THSD7B: variants seen among roughly 807,000 people sequenced by gnomAD.
THSD7B encodes the protein thrombospondin type 1 domain containing 7B.
In THSD7B, 138 loss-of-function variants were observed where a neutral mutation model predicts 213.6. The ratio of observed to expected loss-of-function variants is 0.65; its 90% confidence interval spans 0.56 to 0.74. The LOEUF (loss-of-function observed/expected upper bound fraction) is 0.74, where lower values mean the gene tolerates loss of function less well. THSD7B is among the 30% of genes least tolerant of loss of function. The pLI is 0.00. For synonymous variants in THSD7B, 742 were observed against 687.0 expected (o/e 1.08, Z -1.25); for missense variants, 1,931 against 1,991.5 (o/e 0.97, Z 0.58).
At chr2:137,101,458 C>T (rs546830963) in intron 4 of THSD7B, among the ~76,000 whole-genome samples, 40 of 152,264 alleles carry the variant, frequency 2.6e-4, no homozygotes, top group African/African-American at 9.1e-4. Flanking sequence ...GTTTAAGAAG[C>T]TTTTCTGCAG....
intron 15 of THSD7B, among the ~76,000 whole-genome samples, chr2:137,499,563 A>G (rs188428098): frequency 1.3e-5 from 2 of 152,298 alleles, no homozygotes; most frequent in East Asian, 1.9e-4. Context: ...ATCTCTTGAC[A>G]TCTATGGCAA....
intron 1 of THSD7B, among the ~76,000 whole-genome samples, chr2:136,855,637 A>G: frequency 6.7e-6 from 1 of 149,426 alleles, no homozygotes; most frequent in South Asian, 2.1e-4. Flanking sequence ...TTATTTATTT[A>G]TTTTTTGTAT....
At chr2:136,962,365 G>A (rs1685233644) in intron 2 of THSD7B, among the ~76,000 whole-genome samples, 3 of 146,354 alleles carry the variant, frequency 2.0e-5, no homozygotes, top group African/African-American at 5.0e-5. Context: ...GTTTACAGAG[G>A]CAATAGGAAA....
intron 1 of THSD7B, among the ~76,000 whole-genome samples, chr2:136,799,687 A>G (rs757899931): frequency 5.3e-5 from 8 of 151,886 alleles, no homozygotes; most frequent in Non-Finnish European, 1.0e-4. Context: ...TTTTTTTATC[A>G]CTGTGAAGTG....
chr2:137,521,735 A>G (rs568833488), intron 15 of THSD7B, among the ~76,000 whole-genome samples: 1 of 152,310 alleles, frequency 6.6e-6, no homozygotes, highest in African/African-American at 2.4e-5. Context: ...GGCTTTTGAG[A>G]CTTCTCTGAC....
At chr2:136,888,329 A>T (rs1897086) in intron 2 of THSD7B, among the ~76,000 whole-genome samples, 2 of 151,964 alleles carry the variant, frequency 1.3e-5, no homozygotes, top group South Asian at 4.1e-4. Context: ...TGAAAATTGC[A>T]TTGCATAAGG....
At chr2:137,508,119 C>T (rs1162802386) in intron 15 of THSD7B, among the ~76,000 whole-genome samples, 1 of 152,138 alleles carries the variant, frequency 6.6e-6, no homozygotes, top group Non-Finnish European at 1.5e-5. Flanking sequence ...TGTTAAAGTA[C>T]CTTAAAGTGT....
At chr2:137,314,199 CT>C (rs1425002336) in intron 12 of THSD7B, among the ~76,000 whole-genome samples, 1 of 152,070 alleles carries the variant, frequency 6.6e-6, no homozygotes, top group East Asian at 1.9e-4. Flanking sequence ...GGAGGCTTTG[CT>C]CATTTCTTTT....
chr2:137,624,830 T>C (rs1248399527), intron 20 of THSD7B, among the ~76,000 whole-genome samples: 2 of 152,148 alleles, frequency 1.3e-5, no homozygotes, highest in African/African-American at 2.4e-5. Context: ...AAACAACAGG[T>C]GCTGGAGAGG....
intron 5 of THSD7B, among the ~76,000 whole-genome samples, chr2:137,119,064 A>G (rs181771478): frequency 9.8e-4 from 150 of 152,288 alleles, no homozygotes; most frequent in African/African-American, 3.5e-3. Context: ...GGGAGGTATA[A>G]TTCAAGATGA....
intron 2 of THSD7B, among the ~76,000 whole-genome samples, chr2:136,959,986 A>G (rs1685189509): frequency 6.6e-6 from 1 of 152,168 alleles, no homozygotes; most frequent in African/African-American, 2.4e-5. Context: ...TGAATCGCTA[A>G]CCATTTGGAG....
rs117532777 is a variant in THSD7B at position 137,026,022 on chromosome 2, T to C, written c.140-30398T>C. Among the ~76,000 whole-genome samples the C allele has an allele frequency of 1.6e-3, 237 of 152,258 alleles. 7 individuals carry two copies. In the East Asian group the frequency reaches 0.043, roughly 28 times the overall value. On this transcript the variant is annotated intron_variant, in intron 2 of 27. Coordinates refer to ENST00000409968, the MANE Select transcript of THSD7B (RefSeq NM_001316349.2). ...CTCAAAGTCCAGAATCTCTGAGCAA[T>C]GCTCAGTTCTTTCCATCAGGTCCAC...
chr2:137,338,884 G>T (rs969739078), intron 12 of THSD7B, among the ~76,000 whole-genome samples: 2 of 152,012 alleles, frequency 1.3e-5, no homozygotes, highest in Non-Finnish European at 1.5e-5. Flanking sequence ...GGCTGTGGAG[G>T]TTAATTGCTC....
rs190996786 is a variant in THSD7B at position 137,261,624 on chromosome 2, C to T, written c.2267-10909C>T. Among the ~76,000 whole-genome samples, 7 of 152,262 alleles carry T rather than the reference C, an allele frequency of 4.6e-5. 1 individual carries two copies. In the East Asian group the frequency reaches 1.4e-3, roughly 29 times the overall value. On this transcript the variant is annotated intron_variant, in intron 10 of 27. Transcript: ENST00000409968. ...TTGAACACTAGTGACCATGTTGACA[C>T]TGCAGAAGTAGTGACAGCAATACAA...
rs180939856 is a variant in THSD7B at position 137,230,958 on chromosome 2, G to A, written c.1724-86G>A. On this transcript the variant is annotated intron_variant, in intron 7 of 27. Coordinates refer to ENST00000409968, the MANE Select transcript of THSD7B (RefSeq NM_001316349.2). ...GGCTGAAGAAACTATCATTTTTGGG[G>A]GGGTACTTTAAACTGAAGTAATAGA... 7.2e-4 allele frequency: 899 copies of A among 1,245,820 alleles called. 1 individual carries two copies. Among genetic ancestry groups the A allele is most frequent in the Non-Finnish European group, 9.6e-4 (866 of 898,156 alleles). The allele number at this position is 1,245,820 out of a possible 1,614,324, so 77.2% of individuals were successfully genotyped here. A position where few individuals can be genotyped will look rare whatever the true frequency, so the allele number is the denominator to read the frequency against.
At chr2:137,071,630 C>T (rs1453549217) in intron 3 of THSD7B, among the ~76,000 whole-genome samples, 4 of 152,242 alleles carry the variant, frequency 2.6e-5, no homozygotes, top group Middle Eastern at 6.8e-3. Context: ...GAAGTCCTTG[C>T]CTGTGCCTAT....
intron 5 of THSD7B, among the ~76,000 whole-genome samples, chr2:137,150,635 A>G (rs1033862038): frequency 5.3e-5 from 8 of 152,180 alleles, no homozygotes; most frequent in Non-Finnish European, 1.0e-4. Context: ...TCTTTTCTTC[A>G]TAAATTACCC....
At chr2:136,858,940 C>G (rs944157734) in intron 1 of THSD7B, among the ~76,000 whole-genome samples, 1 of 152,146 alleles carries the variant, frequency 6.6e-6, no homozygotes, top group South Asian at 2.1e-4. Context: ...GGACAAATTA[C>G]GGGAATAGAG....
chr2:137,010,354 T>G (rs1420628202), intron 2 of THSD7B, among the ~76,000 whole-genome samples: 3 of 152,230 alleles, frequency 2.0e-5, no homozygotes, highest in Non-Finnish European at 4.4e-5. Flanking sequence ...GAATCTCATC[T>G]TCACCTCTCA....
Sources: gnomAD v4.1 joint callset for allele counts (sites outside exome capture counted in the v4.1 genomes callset) on GRCh38, gnomAD v4.1.1 for gene constraint, MANE v1.5 for transcripts, NCBI Gene and HGNC (gene_info 2026-07-23, HGNC 2026-07-21) for gene names.